The following STK10 variants were observed in gnomAD, a reference collection of about 807,000 sequenced individuals.
STK10 encodes the protein serine/threonine kinase 10, also known as serine/threonine-protein kinase 10.
A neutral mutation model predicts 113.8 loss-of-function variants in STK10; 78 were observed. That is an observed-to-expected ratio of 0.69 (90% CI 0.57 to 0.83). The LOEUF (loss-of-function observed/expected upper bound fraction) is 0.83, where lower values mean the gene tolerates loss of function less well. Among genes scored for constraint, STK10 ranks in the 40% least tolerant of loss-of-function variants. The probability of loss-of-function intolerance (pLI) is 0.00; values close to 1 mark genes in which losing one functional copy is unlikely to be tolerated. For missense variants in STK10, 1,109 were observed against 1,280.1 expected, an observed-to-expected ratio of 0.87 and a Z score of 2.04; for synonymous variants, 465 against 494.7, an observed-to-expected ratio of 0.94 and a Z score of 0.80.
At chr5:172,167,376 G>T (rs1044115599) in intron 1 of STK10, among the ~76,000 whole-genome samples, 1 of 152,086 alleles carries the variant, frequency 6.6e-6, no homozygotes. Context: ...AACAAAATAG[G>T]ATAATGAAAT....
At chr5:172,168,174 G>A (rs1479517673) in intron 1 of STK10, among the ~76,000 whole-genome samples, 1 of 152,160 alleles carries the variant, frequency 6.6e-6, no homozygotes, top group East Asian at 1.9e-4. Flanking sequence ...ATATGGTTCA[G>A]GCCACTGGAA....
chr5:172,104,290 C>T (rs1296750303), intron 7 of STK10, among the ~76,000 whole-genome samples: 2 of 152,164 alleles, frequency 1.3e-5, no homozygotes, highest in South Asian at 2.1e-4. Context: ...GGACACTGGT[C>T]GGCAGATTTG....
At chr5:172,168,251 A>C (rs1409353312) in intron 1 of STK10, among the ~76,000 whole-genome samples, 1 of 152,194 alleles carries the variant, frequency 6.6e-6, no homozygotes, top group Non-Finnish European at 1.5e-5. Context: ...GAACACAGTT[A>C]ATCTTTGCAT....
intron 7 of STK10, among the ~76,000 whole-genome samples, chr5:172,105,039 C>T (rs1274290816): frequency 6.6e-6 from 1 of 152,136 alleles, no homozygotes; most frequent in Non-Finnish European, 1.5e-5. Flanking sequence ...TCCTAAGTCT[C>T]CTGTGGGGAG....
chr5:172,093,585 C>A lies in STK10; in HGVS notation c.1381G>T (p.Gly461Cys), dbSNP rs755430405. ...CTGCCATTGGCCAGCTTCTCCCCAC[C>A]CAAGGTCTCCAGGGCGCTGCTGTTG... Reference protein sequence around the residue: ...RPNSSALETLGGEKLANGSLE... With the variant: ...RPNSSALETLCGEKLANGSLE... The change falls in exon 9 of 19, where the codon GGT becomes TGT. Residue 461 changes from glycine (G) to cysteine (C), a missense_variant. Physicochemically the swap from Gly to Cys is radical, Grantham distance 159. This residue lies in a region of STK10 where 885 missense variants were observed against 991.1 expected (regional missense o/e 0.89). Coordinates refer to ENST00000176763, the MANE Select transcript of STK10 (RefSeq NM_005990.4). The surrounding 1 kb of genome is among the most constrained non-coding windows in gnomAD (Gnocchi z 4.1). The A allele has an allele frequency of 6.2e-7, 1 of 1,614,250 alleles. No individual in the cohort carries two copies. Among genetic ancestry groups the A allele is most frequent in the Middle Eastern group, 1.6e-4 (1 of 6,062 alleles).
At chr5:172,102,544 T>G (rs940221799) in intron 7 of STK10, among the ~76,000 whole-genome samples, 6 of 151,870 alleles carry the variant, frequency 4.0e-5, no homozygotes, top group African/African-American at 1.2e-4. Flanking sequence ...ACTAATGAGC[T>G]GGGGCAAAGG....
intron 16 of STK10, among the ~76,000 whole-genome samples, chr5:172,054,970 C>A (rs1209471700): frequency 6.6e-6 from 1 of 152,160 alleles, no homozygotes; most frequent in Non-Finnish European, 1.5e-5. Context: ...ATCACAAGGG[C>A]CCGTGTGCCC....
intron 1 of STK10, among the ~76,000 whole-genome samples, chr5:172,175,946 G>T (rs1484942267): frequency 6.6e-6 from 1 of 152,144 alleles, no homozygotes. Flanking sequence ...ATAAATGATG[G>T]ACATGTAGGA....
At chr5:172,083,925 G>GA (rs58326550) in intron 10 of STK10, among the ~76,000 whole-genome samples, 6,365 of 85,714 alleles carry the variant, frequency 0.074, 268 homozygotes, top group African/African-American at 0.14. Context: ...ACAAAAAAAA[G>GA]AAAAAAAAAA....
Position 172,146,961 on chromosome 5 carries a change from C to T in STK10, c.321+9663G>A, listed in dbSNP as rs11959455. ...GCTGAGGGCTCAGGCCCCGAGACTG[C>T]GCCCTCCACCCCACATACCAGTTGC... On this transcript the variant is annotated intron_variant, in intron 2 of 18. Coordinates refer to ENST00000176763, the MANE Select transcript of STK10 (RefSeq NM_005990.4). Among the ~76,000 whole-genome samples, 948 of 152,312 alleles carry T rather than the reference C, an allele frequency of 6.2e-3. 14 individuals are homozygous for T. Among genetic ancestry groups the T allele is most frequent in the African/African-American group, 0.022 (903 of 41,558 alleles).
At position 172,087,634 on chromosome 5, in the gene STK10, T is replaced by A. The variant is rs1379238776; in HGVS notation, c.1685+2598A>T. On this transcript the variant is annotated intron_variant, in intron 10 of 18. Coordinates refer to ENST00000176763, the MANE Select transcript of STK10 (RefSeq NM_005990.4). ...TTATTTACTTATTTATTTTTTTTTT[T>A]TTTTTGAGACGGAGTCTCGCTCTGT... 1.2e-3 allele frequency among the ~76,000 whole-genome samples: 158 copies of A among 135,292 alleles called. 26 individuals carry two copies. The highest frequency in any genetic ancestry group is 4.3e-3 in the African/African-American group (141 of 33,064). The allele number at this position is 135,292 out of a possible 152,430, so 88.8% of individuals were successfully genotyped here.
chr5:172,130,531 CAA>C (rs11338879), intron 2 of STK10, among the ~76,000 whole-genome samples: 12 of 117,248 alleles, frequency 1.0e-4, no homozygotes, highest in South Asian at 3.0e-4. Context: ...ACTCTGTCTC[CAA>C]AAAAAAAAAA....
chr5:172,056,705 T>TAA (rs34406394), intron 15 of STK10, among the ~76,000 whole-genome samples: 38,947 of 144,468 alleles, frequency 0.27, 5,463 homozygotes, highest in Middle Eastern at 0.36. Flanking sequence ...CCAACTCTGC[T>TAA]AAAAAAAAAA....
chr5:172,062,911 AC>A (rs977395846), intron 13 of STK10, among the ~76,000 whole-genome samples: 2 of 152,230 alleles, frequency 1.3e-5, no homozygotes, highest in African/African-American at 4.8e-5. Context: ...TGACTATTTT[AC>A]CACAATTTTA....
chr5:172,053,760 T>C (rs1172230345), intron 17 of STK10, among the ~76,000 whole-genome samples: 1 of 152,258 alleles, frequency 6.6e-6, no homozygotes, highest in African/African-American at 2.4e-5. Flanking sequence ...TTGGGTTTCA[T>C]GCTAGAGGCT....
chr5:172,051,172 T>C (rs1172693653), intron 18 of STK10, among the ~76,000 whole-genome samples: 2 of 152,216 alleles, frequency 1.3e-5, no homozygotes, highest in African/African-American at 2.4e-5. Flanking sequence ...ATTGGTCACT[T>C]AGAAAATATT....
intron 3 of STK10, among the ~76,000 whole-genome samples, chr5:172,119,882 T>TAATA (rs142386183): frequency 6.9e-6 from 1 of 144,016 alleles, no homozygotes; most frequent in Non-Finnish European, 1.5e-5. Flanking sequence ...AATAAATAAA[T>TAATA]AATAAATAAA....
At chr5:172,118,877 T>TAAAAAAAAAAA (rs1769443058) in intron 3 of STK10, among the ~76,000 whole-genome samples, 1 of 59,748 alleles carries the variant, frequency 1.7e-5, no homozygotes, top group Non-Finnish European at 3.1e-5. Context: ...AGACTCAGTC[T>TAAAAAAAAAAA]CAAAAAAAAA....
At chr5:172,122,814 G>A (rs1398436599) in intron 3 of STK10, among the ~76,000 whole-genome samples, 2 of 152,236 alleles carry the variant, frequency 1.3e-5, no homozygotes, top group South Asian at 2.1e-4. Context: ...CAGTAGAGAC[G>A]AGGTTTCACC....
Sources: gnomAD v4.1 joint callset for allele counts (sites outside exome capture counted in the v4.1 genomes callset) on GRCh38, gnomAD v4.1.1 for gene constraint, gnomAD v4.1.1 regional missense constraint, Gnocchi (gnomAD v3.1) non-coding constraint, MANE v1.5 for transcripts, NCBI Gene and HGNC (gene_info 2026-07-23, HGNC 2026-07-21) for gene names.